The following C16orf96 variants were observed in gnomAD, a reference collection of about 807,000 sequenced individuals.
The protein encoded by C16orf96 is chromosome 16 open reading frame 96, also known as uncharacterized protein C16orf96.
Under a neutral mutation model 103.6 loss-of-function variants are expected in C16orf96, and 108 were observed. That is an observed-to-expected ratio of 1.04 (90% CI 0.89 to 1.22). The LOEUF is 1.22. C16orf96 is among the 50% of genes most tolerant of loss of function. The probability of loss-of-function intolerance (pLI) is 0.00; values close to 1 mark genes in which losing one functional copy is unlikely to be tolerated. For synonymous variants in C16orf96, 566 were observed against 593.5 expected, an observed-to-expected ratio of 0.95 and a Z score of 0.67; for missense variants, 1,586 against 1,464.2, an observed-to-expected ratio of 1.08 and a Z score of -1.36.
At chr16:4,540,722 C>T in the C16orf96 span, among the ~76,000 whole-genome samples, 3 of 151,842 alleles carry the variant, frequency 2.0e-5, no homozygotes, top group African/African-American at 7.2e-5. Context: ...GCAAAACTCT[C>T]TCAAAATAAA....
rs564519427 is a variant in C16orf96, at chr16:4,598,928, A to G, written c.3128-356A>G. Among the ~76,000 whole-genome samples the G allele has an allele frequency of 3.3e-5, 5 of 152,022 alleles. No individual in the cohort carries two copies. The East Asian group carries it at 9.7e-4, about 29-fold the overall frequency. ...AGCCCAGGAGTTCAAGACTAGCCTG[A>G]GCAACATAGCGAGACCTCCTCCCTA... is the stretch of plus-strand genomic sequence containing the variant. On this transcript the variant is annotated intron_variant, in intron 14 of 15. Coordinates refer to ENST00000444310, the MANE Select transcript of C16orf96 (RefSeq NM_001145011.2).
chr16:4,595,516 T>C (rs1220163148), intron 14 of C16orf96, among the ~76,000 whole-genome samples: 2 of 152,286 alleles, frequency 1.3e-5, no homozygotes, highest in African/African-American at 4.8e-5. Context: ...ATCACTGGGT[T>C]CGAAGGACAA....
chr16:4,585,312 A>AAAAAAAAAAAG lies in C16orf96; in HGVS notation c.2353-1727_2353-1726insAAAAAAAAAAG, dbSNP rs60726283. 1.8e-5 allele frequency among the ~76,000 whole-genome samples: 2 copies of AAAAAAAAAAAG among 109,954 alleles called. 1 individual carries two copies. Among genetic ancestry groups the AAAAAAAAAAAG allele is most frequent in the African/African-American group, 6.9e-5 (2 of 28,868 alleles). 72.1% of individuals were successfully genotyped at this position (109,954 alleles called of 152,430 possible). On this transcript the variant is annotated intron_variant, in intron 7 of 15. Transcript: ENST00000444310. ...TCTACAAAAAAAAAAAAAAAAAAAA[A>AAAAAAAAAAAG]TCCAGGTAGGTGGTGTCACCTGCAG...
upstream of C16orf96, among the ~76,000 whole-genome samples, chr16:4,556,283 G>A (rs2059261567): frequency 6.6e-6 from 1 of 152,064 alleles, no homozygotes; most frequent in African/African-American, 2.4e-5. Context: ...AATTGCGCCC[G>A]TTTCATCACA....
chr16:4,563,865 G>T (rs545129626), intron 1 of C16orf96, among the ~76,000 whole-genome samples: 1 of 150,992 alleles, frequency 6.6e-6, no homozygotes, highest in Non-Finnish European at 1.5e-5. Context: ...CACTGTGCCC[G>T]GCCTCTGTTG....
At chr16:4,568,060 G>A (rs1368778620) in intron 1 of C16orf96, among the ~76,000 whole-genome samples, 3 of 151,940 alleles carry the variant, frequency 2.0e-5, no homozygotes, top group Non-Finnish European at 4.4e-5. Flanking sequence ...GGCAATCCAA[G>A]AACTTTTTTA....
At chr16:4,586,513 C>T (rs1402152419) in intron 7 of C16orf96, among the ~76,000 whole-genome samples, 1 of 152,156 alleles carries the variant, frequency 6.6e-6, no homozygotes, top group Non-Finnish European at 1.5e-5. Flanking sequence ...CCCAAGCTGA[C>T]CAGCTGCTGC....
chr16:4,571,557 G>T lies in C16orf96; in HGVS notation c.421-4G>T. On this transcript the variant is annotated splice_region_variant and splice_polypyrimidine_tract_variant and intron_variant, in intron 1 of 15. Transcript: ENST00000444310. Reference sequence around the variant, plus strand: ...GCTTCACATTTTCTCCTCCTCTTTTGCAGTCAATGCAGACCCTGCAGGACT... The same window carrying T: ...GCTTCACATTTTCTCCTCCTCTTTTTCAGTCAATGCAGACCCTGCAGGACT... The T allele has an allele frequency of 1.9e-6, 3 of 1,550,912 alleles. No homozygotes were observed. Among genetic ancestry groups the T allele is most frequent in the South Asian group, 2.4e-5 (2 of 83,914 alleles).
chr16:4,575,683 G>T lies in C16orf96; in HGVS notation c.1203G>T (p.Arg401Ser), dbSNP rs1292378584. The T allele has an allele frequency of 7.2e-6, 11 of 1,535,802 alleles. No homozygotes were observed. Among genetic ancestry groups the T allele is most frequent in the Non-Finnish European group, 9.7e-6 (11 of 1,139,834 alleles). ...GGCCTCTTCCCCAAGGCTGGCCCAG[G>T]GTGGGCTCTTGGCCTCTGTGGGACT... ...RRWPLPQGWP[R>S]VGSWPLWDLG... Residue 401 changes from arginine (R) to serine (S), a missense_variant, in exon 5 of 16, where the codon AGG becomes AGT. By Grantham distance (110) the Arg-to-Ser change is moderately radical. Coordinates refer to ENST00000444310, the MANE Select transcript of C16orf96 (RefSeq NM_001145011.2).
At chr16:4,543,366 G>C in the C16orf96 span, among the ~76,000 whole-genome samples, 1 of 152,162 alleles carries the variant, frequency 6.6e-6, no homozygotes, top group Non-Finnish European at 1.5e-5. Context: ...GAGGAAACAT[G>C]AGGGCCTTAT....
chr16:4,585,771 C>T (rs1896911857), intron 7 of C16orf96, among the ~76,000 whole-genome samples: 1 of 152,190 alleles, frequency 6.6e-6, no homozygotes, highest in African/African-American at 2.4e-5. Context: ...TCTGGTGGTT[C>T]AAGGTGTCCC....
chr16:4,571,787 C>T (rs940860791), intron 2 of C16orf96, 122 bp downstream of exon 2: 4 of 784,362 alleles, frequency 5.1e-6, no homozygotes, highest in Non-Finnish European at 8.0e-6. Context: ...AGGGTGTGGT[C>T]ATGTGGACCC....
Position 4,587,034 on chromosome 16 carries a change from C to T in C16orf96, c.2353-5C>T, listed in dbSNP as rs1375398862. ...TGGCAGACATGCCTGTGCTTCTGTT[C>T]TTAGACTCTCCAGGCTCAAATCAAA... On this transcript the variant is annotated splice_polypyrimidine_tract_variant and splice_region_variant and intron_variant, in intron 7 of 15. Transcript: ENST00000444310. 6.4e-7 allele frequency: 1 copy of T among 1,551,344 alleles called. No individual in the cohort carries two copies. The highest frequency in any genetic ancestry group is 1.2e-5 in the South Asian group (1 of 84,048).
At chr16:4,581,139 T>TAC (rs1449404156) in intron 7 of C16orf96, among the ~76,000 whole-genome samples, 3 of 77,412 alleles carry the variant, frequency 3.9e-5, no homozygotes, top group Admixed American at 1.9e-4. Context: ...TATATATGTA[T>TAC]ACATATATAT....
At chr16:4,581,437 T>C (rs1456654152) in intron 7 of C16orf96, among the ~76,000 whole-genome samples, 3 of 150,968 alleles carry the variant, frequency 2.0e-5, no homozygotes, top group Non-Finnish European at 4.4e-5. Context: ...ATTGAGACCA[T>C]CCTAGCTAAC....
chr16:4,580,248 G>A, intron 7 of C16orf96, 123 bp downstream of exon 7: 1 of 650,328 alleles, frequency 1.5e-6, no homozygotes. Context: ...GAACCAGTGG[G>A]GCTTTACTGG....
rs76768848 is a variant in C16orf96 at position 4,559,649 on chromosome 16, A to C, written c.420+2740A>C. ...TGGACATTAAACACTGAATTAATGA[A>C]AATTCGGTGGCACACGATATATTGA... On this transcript the variant is annotated intron_variant, in intron 1 of 15. Transcript: ENST00000444310. Among the ~76,000 whole-genome samples, 748 of 152,298 alleles carry C rather than the reference A, an allele frequency of 4.9e-3. 4 individuals are homozygous for C. Among genetic ancestry groups the C allele is most frequent in the African/African-American group, 0.017 (711 of 41,574 alleles).
chr16:4,588,443 C>T, intron 9 of C16orf96, 112 bp downstream of exon 9: 1 of 1,253,306 alleles, frequency 8.0e-7, no homozygotes, highest in South Asian at 1.6e-5. Flanking sequence ...TTGGGAGTGA[C>T]CCAGCAACTT....
At chr16:4,586,930 C>T in intron 7 of C16orf96, 109 bp from the exon 8 acceptor site, 1 of 993,426 alleles carries the variant, frequency 1.0e-6, no homozygotes, top group Middle Eastern at 2.3e-4. Flanking sequence ...CTGCTGTCCA[C>T]ACGGCCTGCT....
Sources: gnomAD v4.1 joint callset for allele counts (sites outside exome capture counted in the v4.1 genomes callset) on GRCh38, gnomAD v4.1.1 for gene constraint, MANE v1.5 for transcripts, NCBI Gene and HGNC (gene_info 2026-07-23, HGNC 2026-07-21) for gene names.